The following PDE7B variants were observed in gnomAD, a reference collection of about 807,000 sequenced individuals.
PDE7B encodes the protein phosphodiesterase 7B.
Under a neutral mutation model 56.2 loss-of-function variants are expected in PDE7B, and 29 were observed. That is an observed-to-expected ratio of 0.52 (90% confidence interval 0.38 to 0.70). The LOEUF (loss-of-function observed/expected upper bound fraction) is 0.70, where lower values mean the gene tolerates loss of function less well. PDE7B is among the 30% of genes least tolerant of loss of function. The probability of loss-of-function intolerance (pLI) is 0.00; values close to 1 mark genes in which losing one functional copy is unlikely to be tolerated. For synonymous variants in PDE7B, 197 were observed against 196.9 expected (o/e 1.00, Z 0.00); for missense variants, 490 against 565.0 (o/e 0.87, Z 1.35).
chr6:136,179,826 T>G (rs1336260033), intron 10 of PDE7B, among the ~76,000 whole-genome samples: 1 of 152,228 alleles, frequency 6.6e-6, no homozygotes, highest in Non-Finnish European at 1.5e-5. Flanking sequence ...CTGGTCTTAT[T>G]TTTAGGCAGC....
intron 1 of PDE7B, among the ~76,000 whole-genome samples, chr6:135,853,250 T>C (rs1774968466): frequency 6.6e-6 from 1 of 152,164 alleles, no homozygotes; most frequent in Non-Finnish European, 1.5e-5. Flanking sequence ...GCAGTAATAT[T>C]AAGCACGATT....
intron 2 of PDE7B, among the ~76,000 whole-genome samples, chr6:136,003,027 AG>A (rs1775703806): frequency 6.6e-6 from 1 of 151,918 alleles, no homozygotes; most frequent in African/African-American, 2.4e-5. Context: ...CAATCAAACT[AG>A]AACTCAGGAT....
At chr6:135,976,304 C>A (rs1775186253) in intron 2 of PDE7B, among the ~76,000 whole-genome samples, 1 of 152,174 alleles carries the variant, frequency 6.6e-6, no homozygotes, top group South Asian at 2.1e-4. Flanking sequence ...GAGGAAGGAG[C>A]AGGAACAGAG....
At chr6:135,916,388 C>CTTTTTTTTTTTTTTT (rs1242651132) in intron 1 of PDE7B, among the ~76,000 whole-genome samples, 1 of 83,288 alleles carries the variant, frequency 1.2e-5, no homozygotes. Context: ...CTTTTCTTTT[C>CTTTTTTTTTTTTTTT]TTTCTTTTTT....
chr6:135,917,284 T>C (rs9494416), intron 1 of PDE7B, among the ~76,000 whole-genome samples: 50 of 152,334 alleles, frequency 3.3e-4, no homozygotes, highest in African/African-American at 1.1e-3. Flanking sequence ...GGGATTTTTT[T>C]CAACCTTTTC....
intron 2 of PDE7B, among the ~76,000 whole-genome samples, chr6:136,082,017 CCTTT>C (rs929066250): frequency 7.2e-5 from 11 of 152,136 alleles, no homozygotes; most frequent in African/African-American, 1.9e-4. Flanking sequence ...CATGAATTTG[CCTTT>C]CTATTAGTGC....
chr6:135,991,621 A>G (rs1775480391), intron 2 of PDE7B, among the ~76,000 whole-genome samples: 1 of 152,116 alleles, frequency 6.6e-6, no homozygotes, highest in African/African-American at 2.4e-5. Context: ...TTATATATTT[A>G]TATGTTAATA....
intron 2 of PDE7B, among the ~76,000 whole-genome samples, chr6:136,009,460 C>G (rs540078752): frequency 1.3e-5 from 2 of 152,114 alleles, no homozygotes; most frequent in Admixed American, 1.3e-4. Context: ...ATTCTTCCTA[C>G]TCATGAGCAT....
chr6:136,116,243 G>A (rs977471847), intron 3 of PDE7B, among the ~76,000 whole-genome samples: 2 of 152,080 alleles, frequency 1.3e-5, no homozygotes, highest in African/African-American at 2.4e-5. Context: ...CTACATATGA[G>A]GACATAACGT....
chr6:135,975,520 T>C (rs1775169814), intron 2 of PDE7B, among the ~76,000 whole-genome samples: 1 of 146,048 alleles, frequency 6.8e-6, no homozygotes, highest in South Asian at 2.1e-4. Context: ...GAGGAGTATG[T>C]AACTCAAGAT....
chr6:136,024,452 T>A (rs188116192), intron 2 of PDE7B, among the ~76,000 whole-genome samples: 1 of 152,128 alleles, frequency 6.6e-6, no homozygotes, highest in Non-Finnish European at 1.5e-5. Context: ...CCACCAAACA[T>A]ATATCCTTTA....
intron 2 of PDE7B, among the ~76,000 whole-genome samples, chr6:136,020,169 G>A (rs558458556): frequency 2.6e-5 from 4 of 152,088 alleles, no homozygotes; most frequent in African/African-American, 9.7e-5. Flanking sequence ...CCTCATGCCT[G>A]GTTTTCTTAG....
At chr6:136,007,008 C>G (rs1389054341) in intron 2 of PDE7B, among the ~76,000 whole-genome samples, 1 of 152,110 alleles carries the variant, frequency 6.6e-6, no homozygotes, top group African/African-American at 2.4e-5. Flanking sequence ...GGAATGATTC[C>G]AGCTTTTCCC....
chr6:135,990,499 G>A (rs116798087), intron 2 of PDE7B, among the ~76,000 whole-genome samples: 5,823 of 152,202 alleles, frequency 0.038, 338 homozygotes, highest in African/African-American at 0.13. Context: ...GGTTTTCGAG[G>A]CTCCTTTTCC....
chr6:136,122,118 C>T lies in PDE7B; in HGVS notation c.166+13304C>T, dbSNP rs1208968022. 5.3e-5 allele frequency among the ~76,000 whole-genome samples: 8 copies of T among 152,120 alleles called. No homozygotes were observed. The South Asian group carries it at 6.2e-4, about 12-fold the overall frequency. On this transcript the variant is annotated intron_variant, in intron 3 of 12. Transcript: ENST00000308191. ...TCACGCCACTCTCCTGCCTCAGCCT[C>T]CTGAGTAGCTGGGACTCCAGGCGCC...
At position 136,140,230 on chromosome 6, in the gene PDE7B, C is replaced by T. The variant is rs761722936; in HGVS notation, c.167-7121C>T. Among the ~76,000 whole-genome samples the T allele has an allele frequency of 3.3e-5, 5 of 152,162 alleles. No individual in the cohort carries two copies. In the East Asian group the frequency reaches 5.8e-4, roughly 18 times the overall value. ...CAGTAGCATTTATTAAATAGGGAAT[C>T]GTTTCCCCATTTCTTGTTTTTGTCA... On this transcript the variant is annotated intron_variant, in intron 3 of 12. Transcript: ENST00000308191.
At chr6:135,885,219 A>G (rs887170264) in intron 1 of PDE7B, among the ~76,000 whole-genome samples, 1 of 152,126 alleles carries the variant, frequency 6.6e-6, no homozygotes, top group African/African-American at 2.4e-5. Flanking sequence ...ATGATGTTTC[A>G]TAAAGCCTGT....
chr6:136,176,444 CA>C (rs1426007559), intron 9 of PDE7B, among the ~76,000 whole-genome samples: 3 of 152,126 alleles, frequency 2.0e-5, no homozygotes, highest in African/African-American at 7.2e-5. Flanking sequence ...AAAAAGATGA[CA>C]TTTTTCAATG....
intron 2 of PDE7B, among the ~76,000 whole-genome samples, chr6:136,002,177 G>C (rs6941161): frequency 0.45 from 68,448 of 151,856 alleles, 15,760 homozygotes; most frequent in East Asian, 0.55. Context: ...ACCAGGCCTG[G>C]CCTAAAAGAG....
Sources: allele counts gnomAD v4.1 joint callset (sites outside exome capture counted in the v4.1 genomes callset), GRCh38; gene constraint gnomAD v4.1.1; transcripts MANE v1.5; gene names NCBI Gene and HGNC (gene_info 2026-07-23, HGNC 2026-07-21).